The following ETV5 variants were observed in gnomAD, a reference collection of about 807,000 sequenced individuals.
The protein encoded by ETV5 is ETS translocation variant 5.
In ETV5, 10 loss-of-function variants were observed where a neutral mutation model predicts 70.0. The observed-to-expected ratio is 0.14, with a 90% CI of 0.09 to 0.24. The LOEUF (loss-of-function observed/expected upper bound fraction) is 0.24. ETV5 is among the 10% of genes least tolerant of loss of function. The pLI is 1.00. For synonymous variants in ETV5, 216 were observed against 242.2 expected, an observed-to-expected ratio of 0.89 and a Z score of 1.01; for missense variants, 453 against 651.2, an observed-to-expected ratio of 0.70 and a Z score of 3.31.
chr3:186,060,163 C>T (rs1301216394), intron 9 of ETV5, among the ~76,000 whole-genome samples: 1 of 152,162 alleles, frequency 6.6e-6, no homozygotes, highest in South Asian at 2.1e-4. Flanking sequence ...GTCAAACTTG[C>T]CATGTTATTT....
At chr3:186,063,143 G>A (rs1161393930) in intron 9 of ETV5, among the ~76,000 whole-genome samples, 3 of 152,040 alleles carry the variant, frequency 2.0e-5, no homozygotes, top group Non-Finnish European at 2.9e-5. Flanking sequence ...GGTGGCGGGC[G>A]CCTGTAGTCC....
At chr3:186,108,630 A>C in intron 1 of ETV5, 3 of 1,155,084 alleles carry the variant, frequency 2.6e-6, no homozygotes, top group Admixed American at 3.9e-5. Context: ...AAGCCTCGCA[A>C]CTCCGCGATC....
At chr3:186,099,183 A>T (rs1316068938) in intron 5 of ETV5, among the ~76,000 whole-genome samples, 1 of 152,176 alleles carries the variant, frequency 6.6e-6, no homozygotes, top group Non-Finnish European at 1.5e-5. Context: ...TACTTACATT[A>T]TGGTTATAAT....
intron 9 of ETV5, among the ~76,000 whole-genome samples, chr3:186,059,567 T>G (rs985888854): frequency 6.6e-6 from 1 of 152,216 alleles, no homozygotes; most frequent in Non-Finnish European, 1.5e-5. Context: ...AAGAGTTTAA[T>G]TTAGTATCAT....
chr3:186,048,575 T>A lies in ETV5; in HGVS notation c.*64A>T. ...CAACCAAAAACACAAACAAAACCACTGCCCTTGTTTGCCTGAATGGGAACT... is the reference window on the plus strand; with the variant it reads ...CAACCAAAAACACAAACAAAACCACAGCCCTTGTTTGCCTGAATGGGAACT... On this transcript the variant is annotated 3_prime_UTR_variant, in exon 13 of 13. Coordinates refer to ENST00000306376, the MANE Select transcript of ETV5 (RefSeq NM_004454.3). The A allele has an allele frequency of 1.4e-6, 2 of 1,427,452 alleles. No individual in the cohort carries two copies. The highest frequency in any genetic ancestry group is 1.8e-4 in the Middle Eastern group (1 of 5,570). 88.4% of individuals were successfully genotyped at this position (1,427,452 alleles called of 1,614,324 possible). A position where few individuals can be genotyped will look rare whatever the true frequency, so the allele number is the denominator to read the frequency against.
rs777084210 is a variant in ETV5 at position 186,105,297 on chromosome 3, GT to G, written c.232+7del. 15 of 1,609,946 alleles carry G rather than the reference GT, an allele frequency of 9.3e-6. No homozygotes were observed. In the Middle Eastern group the frequency reaches 2.3e-3, roughly 243 times the overall value. ...GAACAAATGTGCCATCACCAGAAAG[GT>G]ACTTACGGTTATCAGACTGAAAATC... is the stretch of plus-strand genomic sequence containing the variant. On this transcript the variant is annotated splice_region_variant and intron_variant, in intron 5 of 12. Transcript: ENST00000306376. The surrounding 1 kb of genome is among the most constrained non-coding windows in gnomAD (Gnocchi z 4.5).
At chr3:186,103,032 G>A (rs1714496764) in intron 5 of ETV5, among the ~76,000 whole-genome samples, 1 of 152,130 alleles carries the variant, frequency 6.6e-6, no homozygotes, top group East Asian at 1.9e-4. Flanking sequence ...ATCCCTTCTT[G>A]AAGCTCTACC....
chr3:186,068,359 G>A (rs1405178992), intron 7 of ETV5, among the ~76,000 whole-genome samples: 1 of 152,204 alleles, frequency 6.6e-6, no homozygotes, highest in Non-Finnish European at 1.5e-5. Flanking sequence ...GTAGTATGGT[G>A]TCATATAAAA....
intron 7 of ETV5, among the ~76,000 whole-genome samples, chr3:186,072,973 A>C (rs1713680217): frequency 6.6e-6 from 1 of 152,160 alleles, no homozygotes; most frequent in South Asian, 2.1e-4. Flanking sequence ...CTCTACTGAA[A>C]ATACAAAAAT....
intron 1 of ETV5, 133 bp downstream of exon 1, chr3:186,108,807 G>T (rs1017951172): frequency 1.6e-4 from 52 of 322,222 alleles, no homozygotes; most frequent in Non-Finnish European, 2.6e-4. Context: ...AACCCGGGGG[G>T]GGTCACCCCA....
intron 11 of ETV5, among the ~76,000 whole-genome samples, chr3:186,055,237 T>C (rs1713128928): frequency 6.6e-6 from 1 of 152,234 alleles, no homozygotes; most frequent in Non-Finnish European, 1.5e-5. Flanking sequence ...TAAAAGCTCC[T>C]GTTTGTGAAA....
Position 186,046,750 on chromosome 3 carries a change from T to C in ETV5, c.*1889A>G, listed in dbSNP as rs1712889162. The C allele has an allele frequency of 4.3e-6, 1 of 230,258 alleles. No homozygotes were observed. The highest frequency in any genetic ancestry group is 8.6e-6 in the Non-Finnish European group (1 of 116,724). The allele number at this position is 230,258 out of a possible 1,614,324, so 14.3% of individuals were successfully genotyped here. On this transcript the variant is annotated 3_prime_UTR_variant, in exon 13 of 13. Coordinates refer to ENST00000306376, the MANE Select transcript of ETV5 (RefSeq NM_004454.3). ...CTATACAGCATTTACAACAAATAAA[T>C]CTCTAGCCAGCTGGGGGTAAAATAT...
chr3:186,055,288 T>C (rs1344927131), intron 11 of ETV5, among the ~76,000 whole-genome samples: 4 of 152,204 alleles, frequency 2.6e-5, no homozygotes, highest in Non-Finnish European at 4.4e-5. Flanking sequence ...ACAGAACTAC[T>C]TTCAGAAAGC....
chr3:186,073,383 A>G (rs1310407825), intron 7 of ETV5, among the ~76,000 whole-genome samples: 5 of 152,176 alleles, frequency 3.3e-5, no homozygotes, highest in African/African-American at 9.7e-5. Flanking sequence ...AATCTACCCA[A>G]CGCTTCTGTG....
At chr3:186,096,815 T>TC (rs1242584254) in intron 5 of ETV5, among the ~76,000 whole-genome samples, 3 of 152,184 alleles carry the variant, frequency 2.0e-5, no homozygotes, top group African/African-American at 7.2e-5. Flanking sequence ...CCCTGGGCTA[T>TC]CCCACAGAGA....
Position 186,080,016 on chromosome 3 carries a change from G to T in ETV5, c.451C>A (p.Pro151Thr). 1 of 1,540,264 alleles carries T rather than the reference G, an allele frequency of 6.5e-7. No individual in the cohort carries two copies. The highest frequency in any genetic ancestry group is 8.7e-7 in the Non-Finnish European group (1 of 1,152,326). ...GTGGGCAGAGTTGCCTGAGGTGGGGGAAATAGGGGATTCTGATGGGTGGGT... is the reference window on the plus strand; with the variant it reads ...GTGGGCAGAGTTGCCTGAGGTGGGGTAAATAGGGGATTCTGATGGGTGGGT... ...LSPTHQNPLF[P>T]PPQATLPTSG... Residue 151 changes from proline (P) to threonine (T), a missense_variant, in exon 7 of 13, where the codon CCC becomes ACC. Pro to Thr is a conservative substitution (Grantham distance 38). Around this residue, in one of 4 missense-constraint regions of ETV5, gnomAD observed 307 missense variants for 344.9 expected, o/e 0.89. Transcript: ENST00000306376.
chr3:186,086,353 TTCTA>T (rs1714058401), intron 5 of ETV5, among the ~76,000 whole-genome samples: 1 of 152,220 alleles, frequency 6.6e-6, no homozygotes, highest in Admixed American at 6.5e-5. Flanking sequence ...CCTTAGATTT[TTCTA>T]TCTGACACAG....
chr3:186,070,187 T>A (rs938058147), intron 7 of ETV5, among the ~76,000 whole-genome samples: 1 of 152,184 alleles, frequency 6.6e-6, no homozygotes. Flanking sequence ...AGTAACGCCT[T>A]CCATTTTCTC....
chr3:186,064,971 C>T (rs994776723), intron 8 of ETV5, among the ~76,000 whole-genome samples: 6 of 151,932 alleles, frequency 3.9e-5, no homozygotes, highest in South Asian at 2.1e-4. Flanking sequence ...GATTAGGGGA[C>T]CTGAAGTTAG....
Sources: allele counts gnomAD v4.1 joint callset (sites outside exome capture counted in the v4.1 genomes callset), GRCh38; gene constraint gnomAD v4.1.1; regional missense constraint gnomAD v4.1.1; non-coding constraint Gnocchi (gnomAD v3.1); transcripts MANE v1.5; gene names NCBI Gene and HGNC (gene_info 2026-07-23, HGNC 2026-07-21).